Variants in LARGE1 observed in about 807,000 individuals in gnomAD.
LARGE1 encodes the protein xylosyl- and glucuronyltransferase LARGE1.
LARGE1 carries 43 observed loss-of-function variants against 87.6 expected under a neutral mutation model. That is an observed-to-expected ratio of 0.49 (90% CI 0.38 to 0.63). LARGE1 has a LOEUF of 0.63. Among genes scored for constraint, LARGE1 ranks in the 30% least tolerant of loss-of-function variants. LARGE1 has a pLI of 0.00. For synonymous variants in LARGE1, 434 were observed against 394.6 expected (o/e 1.10, Z -1.18); for missense variants, 802 against 1,000.2 (o/e 0.80, Z 2.67).
At chr22:33,906,106 G>A (rs1246452135) in intron 1 of LARGE1, among the ~76,000 whole-genome samples, 1 of 151,934 alleles carries the variant, frequency 6.6e-6, no homozygotes, top group Admixed American at 6.6e-5. Flanking sequence ...CTCCGGCCTG[G>A]GCAACGGAGC....
intron 10 of LARGE1, among the ~76,000 whole-genome samples, chr22:33,328,109 G>A (rs1937399123): frequency 6.6e-6 from 1 of 152,164 alleles, no homozygotes; most frequent in East Asian, 1.9e-4. Context: ...GGAGAAAAAT[G>A]AAGGAGCCCT....
At chr22:33,230,829 C>T (rs1316546811) in intron 11 of LARGE1, among the ~76,000 whole-genome samples, 2 of 152,174 alleles carry the variant, frequency 1.3e-5, no homozygotes, top group Admixed American at 1.3e-4. Context: ...CAAAAAGAGA[C>T]CATTCAGACC....
intron 9 of LARGE1, among the ~76,000 whole-genome samples, chr22:33,371,538 G>A (rs1455963073): frequency 3.3e-5 from 5 of 152,066 alleles, no homozygotes; most frequent in African/African-American, 1.2e-4. Flanking sequence ...TTACTTTCAG[G>A]CTCTTACTTA....
chr22:33,566,333 A>AG (rs2078024302), intron 5 of LARGE1, among the ~76,000 whole-genome samples: 1 of 152,366 alleles, frequency 6.6e-6, no homozygotes, highest in East Asian at 1.9e-4. Flanking sequence ...ATGATGTTAA[A>AG]GGGGAAAAAA....
At chr22:33,900,383 A>C (rs2065251406) in intron 1 of LARGE1, among the ~76,000 whole-genome samples, 1 of 152,214 alleles carries the variant, frequency 6.6e-6, no homozygotes, top group South Asian at 2.1e-4. Context: ...AAATTCTCAC[A>C]GACCACATCA....
At chr22:33,236,611 T>C (rs2145673647) in intron 11 of LARGE1, among the ~76,000 whole-genome samples, 1 of 152,302 alleles carries the variant, frequency 6.6e-6, no homozygotes, top group East Asian at 1.9e-4. Flanking sequence ...TCAAACACTT[T>C]CTCAGCAGGA....
At chr22:33,453,671 G>A (rs548383911) in intron 6 of LARGE1, among the ~76,000 whole-genome samples, 4 of 152,246 alleles carry the variant, frequency 2.6e-5, no homozygotes, top group African/African-American at 9.6e-5. Context: ...TTCTGTCTGT[G>A]TCCATCTGTC....
chr22:33,882,132 T>G (rs1181808847), intron 1 of LARGE1, among the ~76,000 whole-genome samples: 3 of 146,034 alleles, frequency 2.1e-5, no homozygotes, highest in African/African-American at 7.7e-5. Flanking sequence ...AAGCTCCGCC[T>G]CCCGGGTTCA....
intron 2 of LARGE1, among the ~76,000 whole-genome samples, chr22:33,699,369 C>T (rs149275882): frequency 1.8e-4 from 28 of 152,214 alleles, no homozygotes; most frequent in African/African-American, 5.1e-4. Context: ...CCGCTATGAA[C>T]CAAATGGTTG....
At chr22:33,629,973 G>A (rs977657943) in intron 3 of LARGE1, among the ~76,000 whole-genome samples, 4 of 152,132 alleles carry the variant, frequency 2.6e-5, no homozygotes, top group Non-Finnish European at 4.4e-5. Context: ...CCGAGGCGGC[G>A]GATCACCTGA....
At chr22:33,339,147 CAAAAAATAAAAAAAA>C (rs1399397118) in intron 9 of LARGE1, among the ~76,000 whole-genome samples, 4 of 92,596 alleles carry the variant, frequency 4.3e-5, no homozygotes, top group African/African-American at 1.9e-4. Context: ...GACTCCGTCT[CAAAAAATAAAAAAAA>C]AAAAAAAAAA....
At chr22:33,391,474 T>C (rs2147208652) in intron 7 of LARGE1, among the ~76,000 whole-genome samples, 1 of 152,120 alleles carries the variant, frequency 6.6e-6, no homozygotes, top group South Asian at 2.1e-4. Flanking sequence ...ACACTGAAAC[T>C]TAAGGATAAA....
In LARGE1 at chr22:33,911,482, C is replaced by A. The variant is rs531797631; in HGVS notation, c.-83+8513G>T. Among the ~76,000 whole-genome samples the A allele has an allele frequency of 1.6e-4, 24 of 152,260 alleles. No individual in the cohort carries two copies. In the East Asian group the frequency reaches 2.7e-3, roughly 17 times the overall value. ...TCCTGCTGGGGACCAAGTACTGAGT[C>A]CCTCCCTCCATTCTCCCACGTCCAC... On this transcript the variant is annotated intron_variant, in intron 1 of 14. Coordinates refer to ENST00000397394, the MANE Select transcript of LARGE1 (RefSeq NM_133642.5).
At chr22:33,663,764 A>G (rs978505724) in intron 2 of LARGE1, among the ~76,000 whole-genome samples, 5 of 152,196 alleles carry the variant, frequency 3.3e-5, no homozygotes, top group Non-Finnish European at 7.3e-5. Context: ...CAGTGGACCA[A>G]CGATCTTCAC....
chr22:33,072,239 G>C, the LARGE1 span, among the ~76,000 whole-genome samples: 2 of 152,122 alleles, frequency 1.3e-5, no homozygotes, highest in Admixed American at 1.3e-4. Context: ...GTTAAGCTCT[G>C]TTTTATTTTT....
rs552151440 is a variant in LARGE1 at position 33,774,133 on chromosome 22, G to A, written c.-82-12575C>T. 9.9e-5 allele frequency among the ~76,000 whole-genome samples: 15 copies of A among 152,264 alleles called. No individual in the cohort carries two copies. In the South Asian group the frequency reaches 2.9e-3, roughly 29 times the overall value. ...CTCCTCCAAACACATTATTCAATATGCTACTGCTCTTCTTGAAGGGACCAT... is the reference window on the plus strand; with the variant it reads ...CTCCTCCAAACACATTATTCAATATACTACTGCTCTTCTTGAAGGGACCAT... On this transcript the variant is annotated intron_variant, in intron 1 of 14. Coordinates refer to ENST00000397394, the MANE Select transcript of LARGE1 (RefSeq NM_133642.5).
intron 9 of LARGE1, among the ~76,000 whole-genome samples, chr22:33,370,908 A>G (rs1326612501): frequency 6.7e-6 from 1 of 149,772 alleles, no homozygotes; most frequent in Non-Finnish European, 1.5e-5. Flanking sequence ...ATAACAATGA[A>G]TAGTATTCAT....
chr22:33,852,489 G>GT (rs998755392), intron 1 of LARGE1, among the ~76,000 whole-genome samples: 1 of 152,004 alleles, frequency 6.6e-6, no homozygotes, highest in Non-Finnish European at 1.5e-5. Flanking sequence ...GGTAACATGT[G>GT]TTTTTTGTCT....
chr22:33,241,202 CT>C (rs1926494554), intron 11 of LARGE1, among the ~76,000 whole-genome samples: 1 of 149,224 alleles, frequency 6.7e-6, no homozygotes, highest in Non-Finnish European at 1.5e-5. Flanking sequence ...CTGTTAGTTT[CT>C]TGAAGACATA....
Sources: gnomAD v4.1 joint callset for allele counts (sites outside exome capture counted in the v4.1 genomes callset) on GRCh38, gnomAD v4.1.1 for gene constraint, MANE v1.5 for transcripts, NCBI Gene and HGNC (gene_info 2026-07-23, HGNC 2026-07-21) for gene names.